STAG2: variants seen among roughly 807,000 people sequenced by gnomAD.
STAG2 encodes the protein cohesin subunit SA-2.
Under a neutral mutation model 108.1 loss-of-function variants are expected in STAG2, and 14 were observed. The ratio of observed to expected loss-of-function variants is 0.13; its 90% confidence interval spans 0.09 to 0.20. The LOEUF (loss-of-function observed/expected upper bound fraction) is 0.20, where lower values mean the gene tolerates loss of function less well. Ranked by LOEUF, STAG2 falls within the 10% of genes least tolerant of loss-of-function variation. The pLI is 1.00. For missense variants in STAG2, 440 were observed against 940.9 expected (o/e 0.47, Z 6.96); for synonymous variants, 307 against 302.7 (o/e 1.01, Z -0.15).
At chrX:124,093,311 A>G (rs1247217552) in intron 32 of STAG2, among the ~76,000 whole-genome samples, 1 of 111,176 alleles carries the variant, frequency 9.0e-6, no homozygotes, top group Non-Finnish European at 1.9e-5. Flanking sequence ...TTTCTTCCTG[A>G]GGCAGAATTA....
At chrX:124,028,476 A>G (rs1467353988) in intron 4 of STAG2, among the ~76,000 whole-genome samples, 1 of 111,185 alleles carries the variant, frequency 9.0e-6, no homozygotes, top group Non-Finnish European at 1.9e-5. Flanking sequence ...AGAATTTCCT[A>G]CTGAATATTT....
chrX:123,963,222 C>G (rs2053948586), intron 1 of STAG2: 1 of 111,495 alleles, frequency 9.0e-6, no homozygotes, highest in Non-Finnish European at 1.9e-5. Context: ...TGTTACTGTC[C>G]TCGCAGCACT....
intron 25 of STAG2, among the ~76,000 whole-genome samples, chrX:124,075,111 G>A (rs774281912): frequency 4.2e-4 from 47 of 111,755 alleles, no homozygotes; most frequent in African/African-American, 1.5e-3. Flanking sequence ...GAGACAGGAT[G>A]AAAAATTAAT....
chrX:123,983,364 A>G (rs1248940415), intron 1 of STAG2, among the ~76,000 whole-genome samples: 1 of 111,411 alleles, frequency 9.0e-6, no homozygotes, highest in Non-Finnish European at 1.9e-5. Context: ...GAAGTAATCT[A>G]TCCATCCTCT....
intron 5 of STAG2, among the ~76,000 whole-genome samples, chrX:124,035,895 C>T (rs2057502090): frequency 8.9e-6 from 1 of 111,983 alleles, no homozygotes; most frequent in African/African-American, 3.2e-5. Context: ...AGCATCACTG[C>T]ATTCTATTCT....
At chrX:124,082,610 T>A (rs769784129) in intron 28 of STAG2, among the ~76,000 whole-genome samples, 2 of 110,604 alleles carry the variant, frequency 1.8e-5, no homozygotes, top group East Asian at 5.7e-4. Flanking sequence ...CCCAGGCTGG[T>A]CTTGAACCCC....
chrX:124,047,539 G>T, intron 9 of STAG2, 34 bp downstream of exon 9: 1 of 1,156,453 alleles, frequency 8.6e-7, no homozygotes, highest in Non-Finnish European at 1.2e-6. Context: ...AGGCTATTGT[G>T]TGACCAACTT....
chrX:124,056,754 A>AAG (rs1350845665), intron 14 of STAG2, among the ~76,000 whole-genome samples: 1 of 106,467 alleles, frequency 9.4e-6, no homozygotes, highest in African/African-American at 3.4e-5. Flanking sequence ...AAAAAAAAAA[A>AAG]GGGAAATGTA....
At chrX:124,023,473 A>G (rs2056994561) in intron 3 of STAG2, among the ~76,000 whole-genome samples, 1 of 111,746 alleles carries the variant, frequency 8.9e-6, no homozygotes, top group Non-Finnish European at 1.9e-5. Flanking sequence ...TAATTTTGTT[A>G]TCTTCAGTGG....
In STAG2 at chrX:124,090,953, T is replaced by C; in HGVS notation, c.3567T>C (p.Leu1189=). 1 of 1,195,312 alleles carries C rather than the reference T, an allele frequency of 8.4e-7. No homozygotes were observed. Among genetic ancestry groups the C allele is most frequent in the Non-Finnish European group, 1.1e-6 (1 of 881,799 alleles). Reference sequence around the variant, plus strand: ...GCTATGTTAAACTGCGAACTAATCTTCAGCATGCCATGTAAGTGAGAGTGC... The same window carrying C: ...GCTATGTTAAACTGCGAACTAATCTCCAGCATGCCATGTAAGTGAGAGTGC... The part of the protein sequence containing the change: ...AMSYVKLRTN[L]QHAIRRGTSL... Residue 1189 remains leucine, a synonymous_variant, in exon 32 of 35, where the codon CTT becomes CTC. Transcript: ENST00000371145.
chrX:124,080,242 A>T (rs896165702), intron 27 of STAG2, among the ~76,000 whole-genome samples: 1 of 110,915 alleles, frequency 9.0e-6, no homozygotes, highest in Non-Finnish European at 1.9e-5. Context: ...TCCTACTGAA[A>T]CGTTGTTCCC....
At chrX:123,967,940 G>T (rs2054183184) in intron 1 of STAG2, among the ~76,000 whole-genome samples, 1 of 106,649 alleles carries the variant, frequency 9.4e-6, no homozygotes, top group African/African-American at 3.5e-5. Context: ...TCCCTCTGTC[G>T]CTCAGGCTGG....
chrX:124,095,508 A>T, intron 34 of STAG2, 59 bp downstream of exon 34: 2 of 960,597 alleles, frequency 2.1e-6, no homozygotes, highest in Non-Finnish European at 3.0e-6. Flanking sequence ...GCAGTCTCTC[A>T]GTTTGAGGTT....
chrX:124,003,284 A>G (rs887935486), intron 1 of STAG2, among the ~76,000 whole-genome samples: 1 of 110,108 alleles, frequency 9.1e-6, no homozygotes, highest in African/African-American at 3.3e-5. Context: ...GATATTTTTA[A>G]TTACAGTTGC....
At chrX:124,028,987 A>ATATT (rs1429793183) in intron 4 of STAG2, among the ~76,000 whole-genome samples, 46 of 61,136 alleles carry the variant, frequency 7.5e-4, no homozygotes, top group African/African-American at 2.9e-3. Context: ...ATTTTTATTT[A>ATATT]TATATATATA....
intron 1 of STAG2, among the ~76,000 whole-genome samples, chrX:124,009,808 C>T (rs971159656): frequency 8.9e-6 from 1 of 111,767 alleles, no homozygotes; most frequent in African/African-American, 3.3e-5. Flanking sequence ...GTAAGGTTAG[C>T]TCTGGTTGTT....
chrX:123,982,544 G>A (rs1036699410), intron 1 of STAG2, among the ~76,000 whole-genome samples: 5 of 109,890 alleles, frequency 4.6e-5, no homozygotes, highest in African/African-American at 1.7e-4. Context: ...GTGCCACCAC[G>A]CCTGGCCAAT....
chrX:124,007,209 G>T (rs755485300), intron 1 of STAG2, among the ~76,000 whole-genome samples: 1 of 103,942 alleles, frequency 9.6e-6, no homozygotes, highest in Admixed American at 1.1e-4. Context: ...TAGAGAACAG[G>T]TCTCGCTGTG....
chrX:124,034,384 T>A (rs2057441182), intron 5 of STAG2, among the ~76,000 whole-genome samples: 1 of 111,830 alleles, frequency 8.9e-6, no homozygotes, highest in South Asian at 3.8e-4. Flanking sequence ...GTCTGCACTG[T>A]CTTTCCATTG....
Sources: allele counts gnomAD v4.1 joint callset (sites outside exome capture counted in the v4.1 genomes callset), GRCh38; gene constraint gnomAD v4.1.1; transcripts MANE v1.5; gene names NCBI Gene and HGNC (gene_info 2026-07-23, HGNC 2026-07-21).